CTNND2: variants seen among roughly 807,000 people sequenced by gnomAD.
The protein encoded by CTNND2 is catenin delta-2.
CTNND2 carries 22 observed loss-of-function variants against 144.4 expected under a neutral mutation model. That is an observed-to-expected ratio of 0.15 (90% CI 0.11 to 0.22). The LOEUF (loss-of-function observed/expected upper bound fraction) is 0.22. CTNND2 is among the 10% of genes least tolerant of loss of function. The probability of loss-of-function intolerance (pLI) is 1.00; values close to 1 mark genes in which losing one functional copy is unlikely to be tolerated. For missense variants in CTNND2, 1,353 were observed against 1,618.8 expected (o/e 0.84, Z 2.82); for synonymous variants, 751 against 695.6 (o/e 1.08, Z -1.25).
intron 9 of CTNND2, among the ~76,000 whole-genome samples, chr5:11,311,928 C>CA (rs1383769763): frequency 1.4e-4 from 21 of 148,316 alleles, no homozygotes; most frequent in African/African-American, 5.0e-4. Flanking sequence ...ATCCTCGCCC[C>CA]CCACACACAC....
intron 3 of CTNND2, among the ~76,000 whole-genome samples, chr5:11,554,037 C>A (rs1776003524): frequency 6.6e-6 from 1 of 152,038 alleles, no homozygotes; most frequent in African/African-American, 2.4e-5. Context: ...ACATCAAATT[C>A]TTTGAACAGC....
chr5:11,700,878 G>A (rs1476560203), intron 2 of CTNND2, among the ~76,000 whole-genome samples: 1 of 152,300 alleles, frequency 6.6e-6, no homozygotes, highest in East Asian at 1.9e-4. Flanking sequence ...GAGGATTTGG[G>A]CTATAATATA....
chr5:11,395,694 G>T (rs1179127324), intron 6 of CTNND2, among the ~76,000 whole-genome samples: 1 of 152,188 alleles, frequency 6.6e-6, no homozygotes, highest in Non-Finnish European at 1.5e-5. Flanking sequence ...ATTGTGAGAA[G>T]GTAAGACTTA....
At chr5:11,371,819 C>T (rs907021532) in intron 7 of CTNND2, among the ~76,000 whole-genome samples, 1 of 152,008 alleles carries the variant, frequency 6.6e-6, no homozygotes, top group Admixed American at 6.5e-5. Context: ...TTCAGACTTA[C>T]GTTTGGAAGG....
At chr5:11,229,453 C>T (rs1189388783) in intron 10 of CTNND2, among the ~76,000 whole-genome samples, 2 of 152,088 alleles carry the variant, frequency 1.3e-5, no homozygotes, top group African/African-American at 4.8e-5. Context: ...CCCAGGAGTT[C>T]AAGGCTACAG....
intron 2 of CTNND2, 105 bp downstream of exon 2, chr5:11,732,029 CAT>C: frequency 9.9e-7 from 1 of 1,011,518 alleles, no homozygotes; most frequent in Admixed American, 2.3e-5. Context: ...CACTCTGCTA[CAT>C]GAGTATGAGT....
At chr5:11,423,517 C>T (rs911160023) in intron 3 of CTNND2, among the ~76,000 whole-genome samples, 8 of 152,170 alleles carry the variant, frequency 5.3e-5, no homozygotes, top group African/African-American at 1.7e-4. Flanking sequence ...GTTGTCGGAC[C>T]ATCTCAGTTA....
At chr5:11,874,946 A>G (rs957724724) in intron 1 of CTNND2, among the ~76,000 whole-genome samples, 5 of 150,994 alleles carry the variant, frequency 3.3e-5, no homozygotes, top group Admixed American at 2.0e-4. Context: ...ATGGAAATGT[A>G]CCAGTGATGA....
intron 2 of CTNND2, among the ~76,000 whole-genome samples, chr5:11,669,323 T>G (rs1196018230): frequency 6.6e-6 from 1 of 152,186 alleles, no homozygotes; most frequent in South Asian, 2.1e-4. Flanking sequence ...TTTGGAATAG[T>G]TTCAGAAGGA....
At chr5:11,221,414 C>T (rs544570968) in intron 10 of CTNND2, among the ~76,000 whole-genome samples, 1 of 152,206 alleles carries the variant, frequency 6.6e-6, no homozygotes, top group Non-Finnish European at 1.5e-5. Flanking sequence ...TTGAGGAGGT[C>T]TAAATCTTTA....
At chr5:11,100,336 C>T (rs1397202933) in intron 14 of CTNND2, among the ~76,000 whole-genome samples, 1 of 152,184 alleles carries the variant, frequency 6.6e-6, no homozygotes, top group Non-Finnish European at 1.5e-5. Flanking sequence ...GTGTGGGAAG[C>T]TTCCTGTCCT....
chr5:11,213,997 G>A (rs574695345), intron 10 of CTNND2, among the ~76,000 whole-genome samples: 22 of 152,178 alleles, frequency 1.4e-4, no homozygotes, highest in African/African-American at 3.9e-4. Context: ...AGCTTGTAGC[G>A]TTAATTTTCT....
At chr5:11,461,000 G>A (rs1766166823) in intron 3 of CTNND2, among the ~76,000 whole-genome samples, 1 of 151,598 alleles carries the variant, frequency 6.6e-6, no homozygotes. Flanking sequence ...AGTGAGCCGA[G>A]ATCATGCCAC....
rs1201224011 is a variant in CTNND2, at chr5:11,903,712, C to T, written c.37+105G>A. 22 of 1,192,798 alleles carry T rather than the reference C, an allele frequency of 1.8e-5. No individual in the cohort carries two copies. Among genetic ancestry groups the T allele is most frequent in the Non-Finnish European group, 2.2e-5 (20 of 909,314 alleles). 73.9% of individuals were successfully genotyped at this position (1,192,798 alleles called of 1,614,324 possible). A position where few individuals can be genotyped will look rare whatever the true frequency, so the allele number is the denominator to read the frequency against. On this transcript the variant is annotated intron_variant, in intron 1 of 21. Coordinates refer to ENST00000304623, the MANE Select transcript of CTNND2 (RefSeq NM_001332.4). The surrounding 1 kb of genome is among the most constrained non-coding windows in gnomAD (Gnocchi z 5.4). ...AACCCCGCAGCAGCCGCCGCCGCCGCCTGCCGGCCGGGAGCCCAGGACCAC... is the reference window on the plus strand; with the variant it reads ...AACCCCGCAGCAGCCGCCGCCGCCGTCTGCCGGCCGGGAGCCCAGGACCAC...
intron 1 of CTNND2, among the ~76,000 whole-genome samples, chr5:11,872,138 G>C (rs1735186980): frequency 6.6e-6 from 1 of 151,940 alleles, no homozygotes; most frequent in Admixed American, 6.6e-5. Context: ...GGGGTGTTTG[G>C]TTTTCTGTTC....
intron 3 of CTNND2, among the ~76,000 whole-genome samples, chr5:11,437,125 T>C (rs1024806799): frequency 5.3e-5 from 8 of 152,240 alleles, no homozygotes; most frequent in African/African-American, 1.9e-4. Flanking sequence ...TACTTAATTA[T>C]TGTTATGTAT....
At chr5:11,332,201 G>A (rs1374792479) in intron 9 of CTNND2, among the ~76,000 whole-genome samples, 1 of 151,768 alleles carries the variant, frequency 6.6e-6, no homozygotes, top group African/African-American at 2.4e-5. Context: ...CTTGAACCTG[G>A]GAGGCGGAGG....
chr5:11,563,891 G>A (rs796627620), intron 3 of CTNND2, among the ~76,000 whole-genome samples: 1 of 152,192 alleles, frequency 6.6e-6, no homozygotes, highest in South Asian at 2.1e-4. Flanking sequence ...GTGGCAGCAG[G>A]TAGCTAAGAG....
intron 2 of CTNND2, among the ~76,000 whole-genome samples, chr5:11,648,575 A>G (rs1323783681): frequency 6.6e-6 from 1 of 152,224 alleles, no homozygotes; most frequent in African/African-American, 2.4e-5. Context: ...CATAATCTTT[A>G]ATCTACCTGA....
Sources: allele counts gnomAD v4.1 joint callset (sites outside exome capture counted in the v4.1 genomes callset), GRCh38; gene constraint gnomAD v4.1.1; non-coding constraint Gnocchi (gnomAD v3.1); transcripts MANE v1.5; gene names NCBI Gene and HGNC (gene_info 2026-07-23, HGNC 2026-07-21).